ABCA8: variants seen among roughly 807,000 people sequenced by gnomAD.
ABCA8 encodes ABC-type organic anion transporter ABCA8.
ABCA8 carries 177 observed loss-of-function variants against 192.3 expected under a neutral mutation model. The ratio of observed to expected loss-of-function variants is 0.92; its 90% confidence interval spans 0.81 to 1.04. The LOEUF is 1.04. ABCA8 is among the 50% of genes least tolerant of loss of function. The pLI is 0.00. For synonymous variants in ABCA8, 642 were observed against 690.2 expected (o/e 0.93, Z 1.09); for missense variants, 1,915 against 1,904.8 (o/e 1.01, Z -0.10).
Position 68,876,545 on chromosome 17 carries a change from C to T in ABCA8, c.4285G>A (p.Val1429Ile), listed in dbSNP as rs766207466. Residue 1429 changes from valine to isoleucine, a missense_variant, in exon 35 of 40, where the codon GTC becomes ATC. Coordinates refer to ENST00000586539, the MANE Select transcript of ABCA8 (RefSeq NM_001288985.2). ...SEGIKRKLCF[V>I]LSILGNPSVV... is the part of the protein sequence containing the mutation. ...GACGGGTTCCCCAGTATGCTCAGGA[C>T]AAAGCACAGCTGCAACGGGAGGAAC... is the stretch of plus-strand genomic sequence containing the variant. 3.7e-6 allele frequency: 6 copies of T among 1,614,142 alleles called. No individual in the cohort carries two copies. In the South Asian group the frequency reaches 4.4e-5, roughly 12 times the overall value.
intron 16 of ABCA8, 130 bp from the exon 17 acceptor site, chr17:68,917,581 C>T (rs1344973783): frequency 1.7e-6 from 1 of 595,906 alleles, no homozygotes; most frequent in East Asian, 2.7e-5. Context: ...ATGCAGGACT[C>T]GATAAGGACT....
chr17:68,906,165 T>C lies in ABCA8; in HGVS notation c.2279-2A>G, dbSNP rs1161264009. ...AGCTATCAAGATCCTTGTAAAGTTC[T>C]AAAGAATACATATACAGCAGTGAAT... On this transcript the variant is annotated splice_acceptor_variant, in intron 18 of 39. Transcript: ENST00000586539. LOFTEE classifies it high-confidence loss of function. 12 of 1,565,268 alleles carry C rather than the reference T, an allele frequency of 7.7e-6. No homozygotes were observed. Among genetic ancestry groups the C allele is most frequent in the Non-Finnish European group, 1.0e-5 (12 of 1,160,378 alleles).
Position 68,903,298 on chromosome 17 carries a change from T to TA in ABCA8, c.2597+2dup. ...GAAAACCTATGGCAACTCTGATACT[T>TA]ACAGTGCTAAAAGAGCTTTTCTTTC... On this transcript the variant is annotated splice_region_variant and intron_variant, in intron 20 of 39. Transcript: ENST00000586539. The TA allele has an allele frequency of 6.2e-7, 1 of 1,614,094 alleles. No individual in the cohort carries two copies. Among genetic ancestry groups the TA allele is most frequent in the Middle Eastern group, 1.6e-4 (1 of 6,062 alleles).
At chr17:68,893,787 C>T (rs1256788896) in intron 23 of ABCA8, among the ~76,000 whole-genome samples, 1 of 138,362 alleles carries the variant, frequency 7.2e-6, no homozygotes, top group Non-Finnish European at 1.5e-5. Flanking sequence ...GCACATTGTG[C>T]AGGTTAGTTA....
At chr17:68,934,432 G>A (rs1056253149) in intron 5 of ABCA8, among the ~76,000 whole-genome samples, 4 of 152,174 alleles carry the variant, frequency 2.6e-5, no homozygotes, top group African/African-American at 4.8e-5. Context: ...CACAGTGAAC[G>A]TGTATTTCTC....
In ABCA8 at chr17:68,883,788, A is replaced by C; in HGVS notation, c.3707+3T>G. 2.6e-6 allele frequency: 4 copies of C among 1,555,218 alleles called. No homozygotes were observed. The highest frequency in any genetic ancestry group is 3.5e-6 in the Non-Finnish European group (4 of 1,148,130). On this transcript the variant is annotated splice_donor_region_variant and intron_variant, in intron 29 of 39. Transcript: ENST00000586539. ...AATAAAAATCTGATGTGTTTTTTCC[A>C]ACCTAAAGAAAGGATCCTTTCTCAT...
intron 7 of ABCA8, among the ~76,000 whole-genome samples, chr17:68,929,966 T>C (rs1263706015): frequency 1.5e-5 from 2 of 135,252 alleles, no homozygotes; most frequent in Non-Finnish European, 1.6e-5. Flanking sequence ...ACATGCACAT[T>C]GTTCTGGGGG....
At chr17:68,889,398 A>G (rs1219827951) in intron 24 of ABCA8, among the ~76,000 whole-genome samples, 1 of 152,212 alleles carries the variant, frequency 6.6e-6, no homozygotes. Context: ...TTGTAAACAC[A>G]TTATAGATTC....
chr17:68,933,033 A>T (rs2067951537), intron 6 of ABCA8, 135 bp downstream of exon 6: 2 of 659,908 alleles, frequency 3.0e-6, no homozygotes, highest in Non-Finnish European at 2.7e-6. Flanking sequence ...GTATATAGTA[A>T]CTTCAGTAAA....
intron 28 of ABCA8, 24 bp from the exon 29 acceptor site, chr17:68,883,906 A>T (rs754278071): frequency 1.5e-6 from 2 of 1,365,618 alleles, no homozygotes; most frequent in South Asian, 2.6e-5. Context: ...GAGATGCACA[A>T]TTAGAAACAT....
In ABCA8 at chr17:68,907,781, A is replaced by T. The variant is rs761769709; in HGVS notation, c.2237T>A (p.Leu746His). 11 of 1,608,572 alleles carry T rather than the reference A, an allele frequency of 6.8e-6. No individual in the cohort carries two copies. In the African/African-American group the frequency reaches 1.5e-4, roughly 22 times the overall value. ...TCTTTCTAAGGGTAATGTATAAATA[A>T]GTTTTCCTTCGCTTTTGGCTGATAA... ...AKLSAKSEGKLIYTLPLERTN... is the reference protein window; with the variant it reads ...AKLSAKSEGKHIYTLPLERTN... The change falls in exon 18 of 40, where the codon CTT (leucine) becomes CAT (histidine). Residue 746 changes from leucine to histidine, a missense_variant. Transcript: ENST00000586539.
chr17:68,944,861 G>T (rs536890236), intron 2 of ABCA8: 1 of 152,262 alleles, frequency 6.6e-6, no homozygotes, highest in South Asian at 2.1e-4. Context: ...CACCACGGCG[G>T]GGGAGAGGAC....
chr17:68,942,119 A>C, intron 2 of ABCA8, 80 bp from the exon 3 acceptor site: 1 of 1,072,004 alleles, frequency 9.3e-7, no homozygotes, highest in Admixed American at 2.1e-5. Context: ...CAACAAAAAA[A>C]CGTAGCCTAA....
intron 17 of ABCA8, among the ~76,000 whole-genome samples, chr17:68,910,263 C>A (rs1369257718): frequency 1.3e-5 from 2 of 152,218 alleles, no homozygotes; most frequent in Non-Finnish European, 2.9e-5. Context: ...GCTGACACAA[C>A]TTCCCATCCT....
At chr17:68,886,259 A>T (rs979747443) in intron 26 of ABCA8, among the ~76,000 whole-genome samples, 8 of 152,292 alleles carry the variant, frequency 5.3e-5, no homozygotes, top group Middle Eastern at 3.4e-3. Flanking sequence ...CCTTGAGAAC[A>T]TCATTTAAGG....
chr17:68,885,315 C>A lies in ABCA8; in HGVS notation c.3430G>T (p.Val1144Phe). The A allele has an allele frequency of 2.5e-6, 4 of 1,604,588 alleles. No homozygotes were observed. The South Asian group carries it at 3.4e-5, about 14-fold the overall frequency. The change falls in exon 27 of 40, where the codon GTC becomes TTC. Residue 1144 changes from valine to phenylalanine, a missense_variant and splice_region_variant. Physicochemically the swap from Val to Phe is conservative, Grantham distance 50. Transcript: ENST00000586539. The part of the protein sequence containing the change: ...SGIWSFCFYV[V>F]TVFSVAGFAF... ...AATCCAGCCACAGAGAATACAGTGA[C>A]CTAAAAGAAGCAAATATGAAGGTTA...
chr17:68,954,740 G>A (rs1387759014), intron 1 of ABCA8, among the ~76,000 whole-genome samples: 2 of 152,150 alleles, frequency 1.3e-5, no homozygotes, highest in Non-Finnish European at 2.9e-5. Context: ...CTAAGAGTGA[G>A]CGATAGGAAC....
intron 17 of ABCA8, among the ~76,000 whole-genome samples, chr17:68,917,044 C>A (rs1432590314): frequency 6.6e-6 from 1 of 152,060 alleles, no homozygotes; most frequent in African/African-American, 2.4e-5. Context: ...CCGAGGCGGG[C>A]GGATCACGAG....
intron 1 of ABCA8, among the ~76,000 whole-genome samples, chr17:68,952,765 T>C (rs750641467): frequency 6.6e-6 from 1 of 152,118 alleles, no homozygotes; most frequent in Non-Finnish European, 1.5e-5. Flanking sequence ...TATACTTCTA[T>C]AGATAACTGC....
Sources: gnomAD v4.1 joint callset for allele counts (sites outside exome capture counted in the v4.1 genomes callset) on GRCh38, gnomAD v4.1.1 for gene constraint, MANE v1.5 for transcripts, NCBI Gene and HGNC (gene_info 2026-07-23, HGNC 2026-07-21) for gene names.